Variants in DEFB110 observed in about 807,000 individuals in gnomAD.
DEFB110 encodes beta-defensin 110.
A neutral mutation model predicts 2.5 loss-of-function variants in DEFB110; 4 were observed. The ratio of observed to expected loss-of-function variants is 1.60; its 90% CI spans 0.79 to 3.66. The LOEUF is 3.66. Among genes scored for constraint, DEFB110 ranks in the 30% most tolerant of loss-of-function variants. The pLI is 0.01. For synonymous variants in DEFB110, 29 were observed against 21.8 expected (o/e 1.33, Z -0.92); for missense variants, 94 against 75.4 (o/e 1.25, Z -0.91).
At chr6:50,019,815 T>A (rs993594746) in intron 1 of DEFB110, among the ~76,000 whole-genome samples, 1 of 152,080 alleles carries the variant, frequency 6.6e-6, no homozygotes, top group Non-Finnish European at 1.5e-5. Flanking sequence ...GTGTGTACTA[T>A]TAAACCTTTT....
downstream of DEFB110, among the ~76,000 whole-genome samples, chr6:50,017,659 G>C (rs78449849): frequency 2.3e-3 from 355 of 151,656 alleles, 3 homozygotes; most frequent in African/African-American, 6.2e-3. Context: ...TACATTGCAA[G>C]AAAACACACT....
At chr6:50,013,781 G>A (rs190447306) in intron 1 of DEFB110, among the ~76,000 whole-genome samples, 2 of 151,798 alleles carry the variant, frequency 1.3e-5, no homozygotes, top group Non-Finnish European at 1.5e-5. Context: ...GACCAGAAGT[G>A]TTTTAGCTTC....
intron 1 of DEFB110, among the ~76,000 whole-genome samples, chr6:50,020,097 G>A (rs971382830): frequency 6.6e-6 from 1 of 152,030 alleles, no homozygotes; most frequent in Non-Finnish European, 1.5e-5. Context: ...TGTAGCTGGG[G>A]TCACAAGAAG....
chr6:50,012,057 T>A (rs1774237036), intron 1 of DEFB110, among the ~76,000 whole-genome samples: 3 of 152,072 alleles, frequency 2.0e-5, no homozygotes, highest in African/African-American at 7.2e-5. Flanking sequence ...AATATGCAGG[T>A]TGCTCTTATA....
intron 1 of DEFB110, among the ~76,000 whole-genome samples, chr6:50,020,534 C>T (rs1030289849): frequency 1.3e-5 from 2 of 152,000 alleles, no homozygotes; most frequent in African/African-American, 4.8e-5. Flanking sequence ...CTGTTTCCTG[C>T]TATTAATTAT....
At chr6:50,021,344 C>G (rs1007032785) in intron 1 of DEFB110, among the ~76,000 whole-genome samples, 2 of 152,144 alleles carry the variant, frequency 1.3e-5, no homozygotes, top group African/African-American at 2.4e-5. Context: ...TAGACGTTGC[C>G]TGATGTTCCC....
intron 1 of DEFB110, among the ~76,000 whole-genome samples, chr6:50,012,105 C>T (rs1774237591): frequency 6.6e-6 from 1 of 151,980 alleles, no homozygotes. Context: ...TCAGGTTATT[C>T]TCATTTCCTT....
At chr6:50,014,917 A>T (rs984982087), downstream of DEFB110, among the ~76,000 whole-genome samples, 9 of 151,776 alleles carry the variant, frequency 5.9e-5, no homozygotes, top group African/African-American at 2.2e-4. Context: ...TGTCTTGCCA[A>T]CTCAAAAGAT....
chr6:50,019,533 G>T, intron 1 of DEFB110, among the ~76,000 whole-genome samples: 1 of 152,062 alleles, frequency 6.6e-6, no homozygotes, highest in Non-Finnish European at 1.5e-5. Context: ...GATTTTCACT[G>T]TAGCTTGATT....
chr6:50,011,151 G>C (rs899852306), intron 1 of DEFB110, among the ~76,000 whole-genome samples: 2 of 151,116 alleles, frequency 1.3e-5, no homozygotes, highest in African/African-American at 2.4e-5. Flanking sequence ...TATGAAAATT[G>C]ATACGTATCA....
chr6:50,021,863 C>T lies in DEFB110; in HGVS notation c.55+18G>A. The T allele has an allele frequency of 1.3e-6, 2 of 1,553,154 alleles. No homozygotes were observed. The highest frequency in any genetic ancestry group is 1.7e-6 in the Non-Finnish European group (2 of 1,158,528). Reference sequence around the variant, plus strand: ...TCAAATTTGTTAGTATAAATCCCCACAAATATTTGCATATTACCTGGTAAA... The same window carrying T: ...TCAAATTTGTTAGTATAAATCCCCATAAATATTTGCATATTACCTGGTAAA... On this transcript the variant is annotated intron_variant, in intron 1 of 1. Transcript: ENST00000371148.
chr6:50,011,371 A>G (rs982901156), intron 1 of DEFB110, among the ~76,000 whole-genome samples: 2 of 152,028 alleles, frequency 1.3e-5, no homozygotes, highest in South Asian at 4.1e-4. Flanking sequence ...CACATTTTGT[A>G]CATCACTGGA....
chr6:50,009,143 C>T (rs377638508), exon 2 of DEFB110: 95 of 1,609,080 alleles, frequency 5.9e-5, no homozygotes, highest in South Asian at 8.9e-5. Flanking sequence ...AGAGTTTATA[C>T]GCAGCACTGA....
At chr6:50,018,797 G>A, downstream of DEFB110, 1 of 1,282,860 alleles carries the variant, frequency 7.8e-7, no homozygotes, top group Non-Finnish European at 9.8e-7. Flanking sequence ...CAGGAGAAAA[G>A]TGTAATGGAA....
downstream of DEFB110, among the ~76,000 whole-genome samples, chr6:50,016,566 T>C (rs963084329): frequency 1.3e-5 from 2 of 151,836 alleles, no homozygotes; most frequent in Admixed American, 6.6e-5. Context: ...TTCCTTTTGT[T>C]AATAAATTAC....
At chr6:50,011,732 A>G (rs1215135776) in intron 1 of DEFB110, among the ~76,000 whole-genome samples, 1 of 151,994 alleles carries the variant, frequency 6.6e-6, no homozygotes, top group East Asian at 1.9e-4. Flanking sequence ...CACCTACCTC[A>G]TGATGCTCCT....
At chr6:50,012,491 C>T (rs930727356) in intron 1 of DEFB110, among the ~76,000 whole-genome samples, 15 of 151,850 alleles carry the variant, frequency 9.9e-5, no homozygotes, top group Non-Finnish European at 2.1e-4. Context: ...TATTTCCTGT[C>T]AACTTAGCAA....
At chr6:50,010,607 T>A (rs1774211554) in intron 1 of DEFB110, among the ~76,000 whole-genome samples, 1 of 150,636 alleles carries the variant, frequency 6.6e-6, no homozygotes, top group South Asian at 2.1e-4. Flanking sequence ...ACATGTAAAT[T>A]ATATATTTTT....
chr6:50,021,615 T>G (rs1774419412), intron 1 of DEFB110, among the ~76,000 whole-genome samples: 1 of 152,228 alleles, frequency 6.6e-6, no homozygotes, highest in African/African-American at 2.4e-5. Context: ...ATAAACTTGG[T>G]AATGTTAATT....
Sources: gnomAD v4.1 joint callset for allele counts (sites outside exome capture counted in the v4.1 genomes callset) on GRCh38, gnomAD v4.1.1 for gene constraint, MANE v1.5 for transcripts, NCBI Gene and HGNC (gene_info 2026-07-23, HGNC 2026-07-21) for gene names.